The following THADA variants were observed in gnomAD, a reference collection of about 807,000 sequenced individuals.
THADA encodes the protein tRNA (32-2'-O)-methyltransferase regulator THADA.
In THADA, 213 loss-of-function variants were observed where a neutral mutation model predicts 219.8. The ratio of observed to expected loss-of-function variants is 0.97; its 90% confidence interval spans 0.87 to 1.09. THADA has a LOEUF of 1.09. Ranked by LOEUF, THADA falls within the 50% of genes least tolerant of loss-of-function variation. The probability of loss-of-function intolerance (pLI) is 0.00; values close to 1 mark genes in which losing one functional copy is unlikely to be tolerated. For missense variants in THADA, 2,956 were observed against 2,311.3 expected, an observed-to-expected ratio of 1.28 and a Z score of -5.72; for synonymous variants, 1,018 against 828.9, an observed-to-expected ratio of 1.23 and a Z score of -3.92.
At chr2:43,232,560 C>T (rs929735380) in intron 37 of THADA, among the ~76,000 whole-genome samples, 153 bp downstream of exon 37, 1 of 152,198 alleles carries the variant, frequency 6.6e-6, no homozygotes, top group Non-Finnish European at 1.5e-5. Flanking sequence ...AGAGTGTCCC[C>T]GTGTCCTCGG....
intron 26 of THADA, among the ~76,000 whole-genome samples, chr2:43,448,173 G>A (rs937740492): frequency 3.3e-5 from 5 of 152,314 alleles, no homozygotes; most frequent in African/African-American, 9.6e-5. Flanking sequence ...GTGTTCTCAC[G>A]AAGGCAACAA....
chr2:43,422,055 T>C (rs1201767613), intron 28 of THADA, among the ~76,000 whole-genome samples: 4 of 152,238 alleles, frequency 2.6e-5, no homozygotes, highest in Non-Finnish European at 5.9e-5. Flanking sequence ...CTTGATGATA[T>C]CCAGTCCAAC....
intron 24 of THADA, among the ~76,000 whole-genome samples, 152 bp downstream of exon 24, chr2:43,505,470 C>T (rs1223161312): frequency 7.2e-5 from 11 of 152,150 alleles, no homozygotes; most frequent in Non-Finnish European, 1.5e-4. Context: ...AGAAGAATTG[C>T]TTGAACCTGG....
intron 29 of THADA, among the ~76,000 whole-genome samples, chr2:43,396,114 C>A (rs1310396333): frequency 6.6e-6 from 1 of 152,156 alleles, no homozygotes; most frequent in Non-Finnish European, 1.5e-5. Flanking sequence ...GGAGCCGCAA[C>A]CCCTTTTAAG....
intron 22 of THADA, among the ~76,000 whole-genome samples, chr2:43,519,716 A>G (rs1692175188): frequency 6.6e-6 from 1 of 152,200 alleles, no homozygotes; most frequent in Non-Finnish European, 1.5e-5. Context: ...GATGTTTAAG[A>G]AATCTTTTGT....
In THADA at chr2:43,231,223, G is replaced by C. The variant is rs1440724397; in HGVS notation, c.5587C>G (p.Pro1863Ala). 1 of 1,613,712 alleles carries C rather than the reference G, an allele frequency of 6.2e-7. No homozygotes were observed. Among genetic ancestry groups the C allele is most frequent in the African/African-American group, 1.3e-5 (1 of 74,920 alleles). ...AGGTGACAGAGCATCTCAGGGCTTG[G>C]GGGACGCCAGCCGGACTTTGAGAGG... ...CLLSKSGWRP[P>A]SPEMLCHLQR... is the part of the protein sequence containing the mutation. Residue 1863 changes from proline to alanine, a missense_variant, in exon 38 of 38, where the codon CCA becomes GCA. Physicochemically the swap from Pro to Ala is conservative, Grantham distance 27. Transcript: ENST00000405975.
At chr2:43,315,009 CCTT>C (rs1677920294) in intron 31 of THADA, among the ~76,000 whole-genome samples, 1 of 152,164 alleles carries the variant, frequency 6.6e-6, no homozygotes, top group Non-Finnish European at 1.5e-5. Flanking sequence ...CTGTTTTTCT[CCTT>C]GTTTATGCCC....
chr2:43,331,918 TACACACAC>T (rs141276481), intron 30 of THADA, among the ~76,000 whole-genome samples: 7 of 142,740 alleles, frequency 4.9e-5, no homozygotes, highest in Non-Finnish European at 1.1e-4. Context: ...ATATATCTAA[TACACACAC>T]ACACACACAC....
At chr2:43,346,351 C>T (rs1224923846) in intron 29 of THADA, among the ~76,000 whole-genome samples, 2 of 152,112 alleles carry the variant, frequency 1.3e-5, no homozygotes, top group African/African-American at 4.8e-5. Flanking sequence ...GCATGAGGTC[C>T]AGGTATAAGG....
chr2:43,352,466 G>A (rs1161844140), intron 29 of THADA, among the ~76,000 whole-genome samples: 3 of 152,064 alleles, frequency 2.0e-5, no homozygotes, highest in Admixed American at 2.0e-4. Context: ...ACTGAGGCAG[G>A]AGAATCACTT....
intron 31 of THADA, among the ~76,000 whole-genome samples, chr2:43,299,368 T>C (rs1176811091): frequency 2.0e-5 from 3 of 152,072 alleles, no homozygotes; most frequent in Non-Finnish European, 4.4e-5. Flanking sequence ...ATAATAACTA[T>C]AAAAATCTAG....
At chr2:43,272,413 A>G (rs1459032706) in intron 36 of THADA, among the ~76,000 whole-genome samples, 2 of 152,136 alleles carry the variant, frequency 1.3e-5, no homozygotes, top group Non-Finnish European at 2.9e-5. Context: ...GTCTGGGGAG[A>G]GATGGTGGTG....
chr2:43,357,328 C>T (rs748253567), intron 29 of THADA, among the ~76,000 whole-genome samples: 1 of 152,040 alleles, frequency 6.6e-6, no homozygotes, highest in African/African-American at 2.4e-5. Context: ...AAGATACTCT[C>T]AGTCATCACT....
chr2:43,346,929 C>T (rs76177512), intron 29 of THADA, among the ~76,000 whole-genome samples: 173 of 152,302 alleles, frequency 1.1e-3, no homozygotes, highest in African/African-American at 4.0e-3. Context: ...CAAATAAAAA[C>T]GATGTTGGTG....
chr2:43,573,028 T>A, intron 11 of THADA, 36 bp from the exon 12 acceptor site: 2 of 1,525,018 alleles, frequency 1.3e-6, no homozygotes, highest in Non-Finnish European at 1.8e-6. Flanking sequence ...TACTGTATTA[T>A]GCAATGACTA....
chr2:43,447,276 A>G (rs1681700055), intron 26 of THADA, among the ~76,000 whole-genome samples: 1 of 152,154 alleles, frequency 6.6e-6, no homozygotes, highest in African/African-American at 2.4e-5. Flanking sequence ...ATGGGGTCAC[A>G]GCCAAATCAT....
chr2:43,295,458 T>C (rs1348195053), intron 31 of THADA, among the ~76,000 whole-genome samples: 1 of 152,252 alleles, frequency 6.6e-6, no homozygotes, highest in African/African-American at 2.4e-5. Context: ...TGAAGTTTTA[T>C]CTACAAGAAC....
intron 28 of THADA, among the ~76,000 whole-genome samples, chr2:43,417,089 G>A (rs1189749599): frequency 7.6e-5 from 10 of 130,966 alleles, no homozygotes; most frequent in Admixed American, 5.8e-4. Context: ...CTTTATAAGA[G>A]AGTAAAAAGA....
In THADA at chr2:43,286,899, C is replaced by T. The variant is rs761794387; in HGVS notation, c.5164+9G>A. 3.0e-5 allele frequency: 48 copies of T among 1,606,282 alleles called. No homozygotes were observed. The highest frequency in any genetic ancestry group is 3.6e-5 in the Non-Finnish European group (42 of 1,173,664). Reference sequence around the variant, plus strand: ...TTGGTACAACAGACTTCCGTCTCGGCGCACTTACCAAGAATAGGATGGGGG... The same window carrying T: ...TTGGTACAACAGACTTCCGTCTCGGTGCACTTACCAAGAATAGGATGGGGG... On this transcript the variant is annotated intron_variant, in intron 35 of 37. Coordinates refer to ENST00000405975, the MANE Select transcript of THADA (RefSeq NM_022065.5).
Sources: gnomAD v4.1 joint callset for allele counts (sites outside exome capture counted in the v4.1 genomes callset) on GRCh38, gnomAD v4.1.1 for gene constraint, MANE v1.5 for transcripts, NCBI Gene and HGNC (gene_info 2026-07-23, HGNC 2026-07-21) for gene names.